Variants in COL25A1 observed in about 807,000 individuals in gnomAD.
COL25A1 encodes the protein collagen alpha-1(XXV) chain.
In COL25A1, 103 loss-of-function variants were observed where a neutral mutation model predicts 128.4. That is an observed-to-expected ratio of 0.80 (90% CI 0.68 to 0.94). The LOEUF is 0.94. Ranked by LOEUF, COL25A1 falls within the 40% of genes least tolerant of loss-of-function variation. COL25A1 has a pLI of 0.00. For synonymous variants in COL25A1, 279 were observed against 277.2 expected, an observed-to-expected ratio of 1.01 and a Z score of -0.06; for missense variants, 745 against 840.0, an observed-to-expected ratio of 0.89 and a Z score of 1.40.
chr4:109,055,231 C>T (rs2125951779), intron 3 of COL25A1, among the ~76,000 whole-genome samples: 1 of 152,258 alleles, frequency 6.6e-6, no homozygotes, highest in African/African-American at 2.4e-5. Flanking sequence ...TTATTCTCTC[C>T]ATACTCATAA....
chr4:108,860,278 G>C (rs1254909781), intron 23 of COL25A1, among the ~76,000 whole-genome samples: 2 of 152,094 alleles, frequency 1.3e-5, no homozygotes. Context: ...TTTTAGTGGA[G>C]ACAGAGTTTC....
intron 32 of COL25A1, among the ~76,000 whole-genome samples, chr4:108,829,012 C>T (rs559643460): frequency 1.3e-5 from 2 of 152,188 alleles, no homozygotes; most frequent in South Asian, 2.1e-4. Flanking sequence ...AAAATAAATA[C>T]GATAAAAGTT....
intron 12 of COL25A1, among the ~76,000 whole-genome samples, chr4:108,918,712 G>A (rs764100737): frequency 2.2e-4 from 34 of 152,242 alleles, no homozygotes; most frequent in Non-Finnish European, 3.8e-4. Context: ...AGACTTTCAA[G>A]GAGTAAGTTT....
intron 12 of COL25A1, 101 bp downstream of exon 12, chr4:108,920,477 C>T (rs1745369810): frequency 1.4e-5 from 11 of 780,798 alleles, no homozygotes; most frequent in Non-Finnish European, 1.8e-5. Flanking sequence ...AGACTAACTG[C>T]TTCAGCATGG....
At chr4:109,244,297 T>A (rs186483987) in intron 3 of COL25A1, among the ~76,000 whole-genome samples, 1 of 152,074 alleles carries the variant, frequency 6.6e-6, no homozygotes, top group Non-Finnish European at 1.5e-5. Flanking sequence ...TCCAATATTT[T>A]AGTATCCATT....
At chr4:108,952,436 T>C (rs1490767369) in intron 8 of COL25A1, among the ~76,000 whole-genome samples, 1 of 152,144 alleles carries the variant, frequency 6.6e-6, no homozygotes, top group African/African-American at 2.4e-5. Flanking sequence ...AACCTCCCTG[T>C]GGAAACAAAA....
intron 3 of COL25A1, among the ~76,000 whole-genome samples, chr4:109,134,901 G>A (rs1432481806): frequency 1.3e-5 from 2 of 151,780 alleles, no homozygotes; most frequent in African/African-American, 4.8e-5. Flanking sequence ...TAAGGAAATC[G>A]CTTATAGATC....
chr4:108,914,257 T>C (rs1744602997), intron 13 of COL25A1, among the ~76,000 whole-genome samples: 1 of 152,074 alleles, frequency 6.6e-6, no homozygotes. Context: ...CTGAGAAACT[T>C]AGAGATAAAT....
chr4:108,862,528 T>C lies in COL25A1; in HGVS notation c.1170A>G (p.Ser390=). 1 of 1,612,030 alleles carries C rather than the reference T, an allele frequency of 6.2e-7. No individual in the cohort carries two copies. The highest frequency in any genetic ancestry group is 8.5e-7 in the Non-Finnish European group (1 of 1,178,188). The change falls in exon 22 of 38, where the codon TCA becomes TCG. Residue 390 remains serine (S), a synonymous_variant. Transcript: ENST00000399132. ...APGPKGKQGE[S]GTRGPKGSKG... is the part of the protein sequence containing the mutation. ...TTGACCCCTTTGGGCCTCTAGTTCC[T>C]GATTCACCTTGTTTCCCCTATTACA...
intron 8 of COL25A1, among the ~76,000 whole-genome samples, chr4:108,970,017 T>C (rs1053733547): frequency 6.6e-6 from 1 of 152,150 alleles, no homozygotes; most frequent in Admixed American, 6.5e-5. Context: ...TTCTCCTGCC[T>C]CAGCCTCCCA....
chr4:108,810,719 G>C lies in COL25A1; in HGVS notation c.*3208C>G, dbSNP rs906753350. On this transcript the variant is annotated 3_prime_UTR_variant, in exon 38 of 38. Transcript: ENST00000399132. The stretch of plus-strand genomic sequence containing the variant: ...ATGAATATGAAATAGGAGGATCCAT[G>C]ATCCGAGTAAACACACATCATCTAT... 1 of 151,980 alleles carries C rather than the reference G, an allele frequency of 6.6e-6. No individual in the cohort carries two copies. The highest frequency in any genetic ancestry group is 1.5e-5 in the Non-Finnish European group (1 of 67,862). 9.4% of individuals were successfully genotyped at this position (151,980 alleles called of 1,614,324 possible).
intron 3 of COL25A1, among the ~76,000 whole-genome samples, chr4:109,250,371 C>CACACACACACACACACAG (rs1780566776): frequency 6.8e-6 from 1 of 148,098 alleles, no homozygotes; most frequent in African/African-American, 2.5e-5. Flanking sequence ...GTAGGAGATA[C>CACACACACACACACACAG]ACACACACAC....
intron 3 of COL25A1, among the ~76,000 whole-genome samples, chr4:109,258,772 T>C (rs1781244819): frequency 6.6e-6 from 1 of 152,154 alleles, no homozygotes; most frequent in Admixed American, 6.6e-5. Context: ...ATCTGATTAA[T>C]GTCATTAAAA....
At chr4:108,872,392 G>A (rs1738835386) in intron 19 of COL25A1, among the ~76,000 whole-genome samples, 1 of 152,162 alleles carries the variant, frequency 6.6e-6, no homozygotes, top group Non-Finnish European at 1.5e-5. Flanking sequence ...CTCCAGCTCA[G>A]GCAACAGAGG....
At chr4:109,090,028 A>T (rs1764760175) in intron 3 of COL25A1, among the ~76,000 whole-genome samples, 1 of 152,174 alleles carries the variant, frequency 6.6e-6, no homozygotes, top group Non-Finnish European at 1.5e-5. Context: ...CAGTATATAT[A>T]AATGTAAAAC....
Position 108,877,341 on chromosome 4 carries a change from T to A in COL25A1, c.1020+6837A>T, listed in dbSNP as rs978867770. Among the ~76,000 whole-genome samples, 7 of 152,296 alleles carry A rather than the reference T, an allele frequency of 4.6e-5. No homozygotes were observed. In the East Asian group the frequency reaches 9.7e-4, roughly 21 times the overall value. Reference sequence around the variant, plus strand: ...TACAGTACCTAATGTGCACTATATTTGAAACAGGATCCTGTTTCTGCATGA... The same window carrying A: ...TACAGTACCTAATGTGCACTATATTAGAAACAGGATCCTGTTTCTGCATGA... On this transcript the variant is annotated intron_variant, in intron 19 of 37. Transcript: ENST00000399132.
rs1010358453 is a variant in COL25A1, at chr4:109,223,659, C to T, written c.367+76924G>A. On this transcript the variant is annotated intron_variant, in intron 3 of 37. Transcript: ENST00000399132. ...AATTCCCTTCCTAAAGTACTCTAAG[C>T]TTCTTAGTAGAGTCAGAACTCCTTG... 1.3e-4 allele frequency among the ~76,000 whole-genome samples: 19 copies of T among 150,832 alleles called. 1 individual carries two copies. In the Admixed American group the frequency reaches 1.3e-3, roughly 10 times the overall value.
At chr4:108,938,643 T>A (rs556585708) in intron 10 of COL25A1, among the ~76,000 whole-genome samples, 195 of 152,250 alleles carry the variant, frequency 1.3e-3, no homozygotes, top group African/African-American at 4.1e-3. Flanking sequence ...GATCACGAGG[T>A]CAGGAGATCG....
At chr4:109,214,159 G>A (rs1777803144) in intron 3 of COL25A1, among the ~76,000 whole-genome samples, 1 of 151,994 alleles carries the variant, frequency 6.6e-6, no homozygotes, top group Admixed American at 6.6e-5. Context: ...CAGACTCATA[G>A]GGCCTAATCT....
Sources: gnomAD v4.1 joint callset for allele counts (sites outside exome capture counted in the v4.1 genomes callset) on GRCh38, gnomAD v4.1.1 for gene constraint, MANE v1.5 for transcripts, NCBI Gene and HGNC (gene_info 2026-07-23, HGNC 2026-07-21) for gene names.